XRCC5: variants seen among roughly 807,000 people sequenced by gnomAD.
The protein encoded by XRCC5 is X-ray repair cross complementing 5.
XRCC5 carries 12 observed loss-of-function variants against 95.7 expected under a neutral mutation model. The observed-to-expected ratio is 0.13, with a 90% confidence interval of 0.08 to 0.20. XRCC5 has a LOEUF of 0.20. Ranked by LOEUF, XRCC5 falls within the 10% of genes least tolerant of loss-of-function variation. The probability of loss-of-function intolerance (pLI) is 1.00; values close to 1 mark genes in which losing one functional copy is unlikely to be tolerated. For synonymous variants in XRCC5, 281 were observed against 290.3 expected, an observed-to-expected ratio of 0.97 and a Z score of 0.33; for missense variants, 595 against 873.9, an observed-to-expected ratio of 0.68 and a Z score of 4.02.
Position 216,140,052 on chromosome 2 carries a change from T to A in XRCC5, c.1343-1134T>A, listed in dbSNP as rs546297596. Among the ~76,000 whole-genome samples, 112 of 152,362 alleles carry A rather than the reference T, an allele frequency of 7.4e-4. 2 individuals are homozygous for A. The South Asian group carries it at 0.022, about 29-fold the overall frequency. ...CCTTGTAGTAGTAGGTGAAAATCAC[T>A]GAATGTTCACATGTACAAGTACTGC... On this transcript the variant is annotated intron_variant, in intron 12 of 20. Transcript: ENST00000392132.
intron 16 of XRCC5, among the ~76,000 whole-genome samples, chr2:216,187,819 A>T (rs200150758): frequency 0.026 from 1,289 of 49,886 alleles, 6 homozygotes; most frequent in Non-Finnish European, 0.032. Context: ...ACACACACAC[A>T]CACTCTCTCT....
At chr2:216,160,005 T>G (rs1490751665) in intron 14 of XRCC5, 63 bp from the exon 15 acceptor site, 1 of 794,108 alleles carries the variant, frequency 1.3e-6, no homozygotes, top group African/African-American at 1.8e-5. Flanking sequence ...GAAAATAAGT[T>G]TCACAATAGC....
intron 1 of XRCC5, among the ~76,000 whole-genome samples, chr2:216,110,127 A>G (rs1411427393): frequency 6.6e-6 from 1 of 152,200 alleles, no homozygotes; most frequent in Admixed American, 6.5e-5. Context: ...TTCCTGGTGA[A>G]ATCCGGATTT....
chr2:216,139,277 T>C (rs1697136895), intron 12 of XRCC5, among the ~76,000 whole-genome samples: 1 of 151,496 alleles, frequency 6.6e-6, no homozygotes, highest in African/African-American at 2.4e-5. Context: ...GATAAAGACA[T>C]ACCCGAGACT....
chr2:216,191,387 T>C (rs1249120511), intron 17 of XRCC5, among the ~76,000 whole-genome samples: 1 of 151,800 alleles, frequency 6.6e-6, no homozygotes, highest in African/African-American at 2.4e-5. Context: ...TCAGTCTTAA[T>C]GGAGAGATTA....
rs374209686 is a variant in XRCC5, at chr2:216,173,872, C to G, written c.1834+11824C>G. On this transcript the variant is annotated intron_variant, in intron 16 of 20. Coordinates refer to ENST00000392132, the MANE Select transcript of XRCC5 (RefSeq NM_021141.4). ...GTCATGCTCTTAGACTTCCCAGCCT[C>G]CAGAACTGTGAGCTAAATAAATATC... Among the ~76,000 whole-genome samples the G allele has an allele frequency of 3.3e-4, 51 of 152,306 alleles. 1 individual carries two copies. The South Asian group carries it at 0.01, about 30-fold the overall frequency.
intron 16 of XRCC5, chr2:216,176,142 G>A (rs909555164): frequency 2.4e-5 from 4 of 167,372 alleles, no homozygotes; most frequent in Admixed American, 1.3e-4. Flanking sequence ...TTTTGGATAC[G>A]GGGTCTCACT....
intron 19 of XRCC5, among the ~76,000 whole-genome samples, chr2:216,198,943 G>A (rs1689784433): frequency 6.6e-6 from 1 of 151,790 alleles, no homozygotes; most frequent in Non-Finnish European, 1.5e-5. Flanking sequence ...GGGGAGAATT[G>A]CAGAGGAAGA....
intron 16 of XRCC5, among the ~76,000 whole-genome samples, chr2:216,186,484 T>C (rs1397673851): frequency 6.6e-6 from 1 of 152,244 alleles, no homozygotes; most frequent in African/African-American, 2.4e-5. Context: ...ATTTTGGGTG[T>C]CAACATCTGT....
intron 8 of XRCC5, among the ~76,000 whole-genome samples, chr2:216,129,664 C>T (rs1279217750): frequency 6.6e-6 from 1 of 152,104 alleles, no homozygotes; most frequent in Non-Finnish European, 1.5e-5. Context: ...AAAAGACATA[C>T]ATGGAAATAA....
At chr2:216,118,231 G>T (rs578228487) in intron 4 of XRCC5, among the ~76,000 whole-genome samples, 1 of 151,728 alleles carries the variant, frequency 6.6e-6, no homozygotes, top group South Asian at 2.1e-4. Flanking sequence ...GAGTGCAGTG[G>T]TGCCAATATA....
intron 17 of XRCC5, 34 bp downstream of exon 17, chr2:216,190,368 A>G: frequency 6.3e-7 from 1 of 1,576,066 alleles, no homozygotes. Flanking sequence ...TTCTTCCTAA[A>G]CAGTTGGCGA....
chr2:216,131,295 C>G, intron 9 of XRCC5: 1 of 978,902 alleles, frequency 1.0e-6, no homozygotes, highest in Non-Finnish European at 1.2e-6. Flanking sequence ...GAGGTTCAGT[C>G]TTCTTGAGCT....
chr2:216,129,028 C>T (rs1559240847), intron 8 of XRCC5, among the ~76,000 whole-genome samples: 2 of 152,172 alleles, frequency 1.3e-5, no homozygotes, highest in South Asian at 2.1e-4. Flanking sequence ...TTGAAAACAA[C>T]GTGGAGCCAC....
chr2:216,124,979 ACCTAG>A (rs1696879647), intron 6 of XRCC5, among the ~76,000 whole-genome samples: 1 of 152,170 alleles, frequency 6.6e-6, no homozygotes, highest in Non-Finnish European at 1.5e-5. Flanking sequence ...CCAGTAAGAA[ACCTAG>A]AGTTAACGTG....
chr2:216,143,760 T>C (rs558161721), intron 13 of XRCC5, among the ~76,000 whole-genome samples: 14 of 151,616 alleles, frequency 9.2e-5, no homozygotes, highest in Non-Finnish European at 2.1e-4. Flanking sequence ...CAGGCTGGAG[T>C]GCAGTGGCGT....
intron 16 of XRCC5, among the ~76,000 whole-genome samples, chr2:216,171,084 T>C (rs1559255467): frequency 6.6e-6 from 1 of 152,256 alleles, no homozygotes; most frequent in Non-Finnish European, 1.5e-5. Flanking sequence ...ACAGACGCTC[T>C]TAACCAATTA....
At chr2:216,113,153 C>CT (rs1384983110) in intron 2 of XRCC5, 24 bp downstream of exon 2, 1 of 1,592,360 alleles carries the variant, frequency 6.3e-7, no homozygotes, top group Admixed American at 1.7e-5. Context: ...TGACACTGAG[C>CT]TTGTAACCCA....
At chr2:216,159,451 A>G (rs1688906187) in intron 14 of XRCC5, among the ~76,000 whole-genome samples, 1 of 152,220 alleles carries the variant, frequency 6.6e-6, no homozygotes, top group Non-Finnish European at 1.5e-5. Flanking sequence ...TGCACAAAAC[A>G]GAATTAGGTT....
Sources: allele counts gnomAD v4.1 joint callset (sites outside exome capture counted in the v4.1 genomes callset), GRCh38; gene constraint gnomAD v4.1.1; transcripts MANE v1.5; gene names NCBI Gene and HGNC (gene_info 2026-07-23, HGNC 2026-07-21).